The following MYBPC1 variants were observed in gnomAD, a reference collection of about 807,000 sequenced individuals.
The protein encoded by MYBPC1 is myosin binding protein C1, also known as myosin-binding protein C, slow-type.
In MYBPC1, 52 loss-of-function variants were observed where a neutral mutation model predicts 147.1. The ratio of observed to expected loss-of-function variants is 0.35; its 90% confidence interval spans 0.28 to 0.45. The LOEUF (loss-of-function observed/expected upper bound fraction) is 0.45. Among genes scored for constraint, MYBPC1 ranks in the 20% least tolerant of loss-of-function variants. MYBPC1 has a pLI of 1.00. For missense variants in MYBPC1, 1,228 were observed against 1,440.3 expected (o/e 0.85, Z 2.39); for synonymous variants, 477 against 475.9 (o/e 1.00, Z -0.03).
the MYBPC1 span, among the ~76,000 whole-genome samples, chr12:101,692,631 G>A: frequency 6.6e-6 from 1 of 150,860 alleles, no homozygotes; most frequent in African/African-American, 2.4e-5. Flanking sequence ...ACAGTGCTTG[G>A]CATAGGATAG....
At chr12:101,675,691 A>G (rs918467750) in intron 26 of MYBPC1, among the ~76,000 whole-genome samples, 3 of 152,328 alleles carry the variant, frequency 2.0e-5, no homozygotes, top group Admixed American at 6.5e-5. Context: ...CATCTATGTA[A>G]TGGGGGCACA....
Position 101,637,944 on chromosome 12 carries a change from A to T in MYBPC1, c.665+1216A>T, listed in dbSNP as rs1030001727. Reference sequence around the variant, plus strand: ...TTAATTCCCCAAATGCATTTAAAGCAATAGTATATGAAGTGCCCTTAAGTG... The same window carrying T: ...TTAATTCCCCAAATGCATTTAAAGCTATAGTATATGAAGTGCCCTTAAGTG... On this transcript the variant is annotated intron_variant, in intron 10 of 31. Transcript: ENST00000361466. Among the ~76,000 whole-genome samples the T allele has an allele frequency of 9.2e-5, 14 of 152,322 alleles. No homozygotes were observed. In the East Asian group the frequency reaches 1.7e-3, roughly 19 times the overall value.
Position 101,648,104 on chromosome 12 carries a change from G to A in MYBPC1, c.1150G>A (p.Val384Met), listed in dbSNP as rs769868177. ...TACAACTGCTTATTGTGGGGAGAGA[G>A]TGGAATTAGAATGTGAGGTGTCTGA... ...EDTTAYCGER[V>M]ELECEVSEDD... The change falls in exon 14 of 32, where the codon GTG becomes ATG. Residue 384 changes from valine to methionine, a missense_variant. Transcript: ENST00000361466. The A allele has an allele frequency of 1.2e-6, 2 of 1,613,068 alleles. No individual in the cohort carries two copies. Among genetic ancestry groups the A allele is most frequent in the African/African-American group, 1.3e-5 (1 of 74,880 alleles).
chr12:101,677,928 T>G (rs530360646), intron 27 of MYBPC1, among the ~76,000 whole-genome samples, 174 bp from the exon 28 acceptor site: 1 of 152,386 alleles, frequency 6.6e-6, no homozygotes, highest in South Asian at 2.1e-4. Context: ...ATCCCACGTG[T>G]GATTGGCTAT....
At chr12:101,664,921 A>G (rs1897177731) in intron 22 of MYBPC1, among the ~76,000 whole-genome samples, 1 of 152,206 alleles carries the variant, frequency 6.6e-6, no homozygotes. Flanking sequence ...TAAAAAAGTC[A>G]TGAGCACTCC....
At chr12:101,602,657 C>A (rs1880553056) in intron 1 of MYBPC1, among the ~76,000 whole-genome samples, 1 of 152,198 alleles carries the variant, frequency 6.6e-6, no homozygotes, top group Admixed American at 6.5e-5. Flanking sequence ...TTTCCCTCAA[C>A]ATAAGGGATG....
At chr12:101,621,760 G>A (rs1008171290) in intron 3 of MYBPC1, among the ~76,000 whole-genome samples, 1 of 152,134 alleles carries the variant, frequency 6.6e-6, no homozygotes, top group Admixed American at 6.5e-5. Context: ...GCCCAAGAGA[G>A]TTTGGATAAT....
intron 28 of MYBPC1, among the ~76,000 whole-genome samples, chr12:101,678,590 C>T (rs1900619861): frequency 6.6e-6 from 1 of 152,168 alleles, no homozygotes; most frequent in Non-Finnish European, 1.5e-5. Flanking sequence ...TCACACTACA[C>T]TGTCTGCGAT....
intron 9 of MYBPC1, among the ~76,000 whole-genome samples, chr12:101,635,192 G>A (rs902628280): frequency 1.4e-4 from 21 of 152,030 alleles, no homozygotes; most frequent in Non-Finnish European, 2.5e-4. Context: ...AATGGAGGGG[G>A]GGCGGTCAAG....
In MYBPC1 at chr12:101,642,584, A is replaced by C; in HGVS notation, c.831A>C (p.Ala277=). 6.2e-7 allele frequency: 1 copy of C among 1,609,554 alleles called. No individual in the cohort carries two copies. Residue 277 remains alanine, a splice_region_variant and synonymous_variant, in exon 11 of 32, where the codon GCA becomes GCC. Transcript: ENST00000361466. The stretch of plus-strand genomic sequence containing the variant: ...TGCGCAGAGAGGAGAAGAAGAGCGC[A>C]GGTGAGCGCTCCCGGGGGCGAGGCA... The part of the protein sequence containing the change: ...KRMRREEKKS[A]AFAKILDPAY...
intron 1 of MYBPC1, among the ~76,000 whole-genome samples, chr12:101,607,767 G>C (rs572315492): frequency 6.6e-6 from 1 of 152,208 alleles, no homozygotes; most frequent in Non-Finnish European, 1.5e-5. Flanking sequence ...CCCACGGGAA[G>C]AAGAGAACTG....
In MYBPC1 at chr12:101,647,576, G is replaced by GAAAAC. The variant is rs76794158; in HGVS notation, c.1091-448_1091-444dup. ...ATTTATTTTGCCAAGAACAGACATA[G>GAAAAC]AAAACAAAACAAAACAAAACAAAAC... On this transcript the variant is annotated intron_variant, in intron 13 of 31. Transcript: ENST00000361466. Among the ~76,000 whole-genome samples, 585 of 151,914 alleles carry GAAAAC rather than the reference G, an allele frequency of 3.9e-3. 1 individual carries two copies. Among genetic ancestry groups the GAAAAC allele is most frequent in the Non-Finnish European group, 6.3e-3 (428 of 67,926 alleles).
At chr12:101,687,960 G>T (rs945263914), downstream of MYBPC1, among the ~76,000 whole-genome samples, 1 of 152,238 alleles carries the variant, frequency 6.6e-6, no homozygotes, top group East Asian at 1.9e-4. Context: ...ACACTGCAAA[G>T]TTCTAATAAG....
chr12:101,630,097 T>C (rs904935514), intron 6 of MYBPC1, among the ~76,000 whole-genome samples: 2 of 152,230 alleles, frequency 1.3e-5, no homozygotes, highest in Non-Finnish European at 2.9e-5. Flanking sequence ...TTTGTCTCTC[T>C]GGATTTACCT....
chr12:101,687,081 AT>A (rs1951359300), downstream of MYBPC1, among the ~76,000 whole-genome samples: 1 of 151,806 alleles, frequency 6.6e-6, no homozygotes, highest in African/African-American at 2.4e-5. Flanking sequence ...ATATATATAT[AT>A]TTTTATTATA....
chr12:101,680,649 G>C, intron 29 of MYBPC1, 120 bp downstream of exon 29: 1 of 1,199,794 alleles, frequency 8.3e-7, no homozygotes, highest in South Asian at 1.3e-5. Context: ...GAGGGTGGGA[G>C]AGGGTGGTGA....
At chr12:101,634,631 A>G in intron 9 of MYBPC1, 26 bp downstream of exon 9, 1 of 1,575,492 alleles carries the variant, frequency 6.3e-7, no homozygotes, top group Non-Finnish European at 8.7e-7. Context: ...AAATCTAGAT[A>G]GCTTTTGTAT....
chr12:101,631,561 C>A lies in MYBPC1; in HGVS notation c.290-10C>A. On this transcript the variant is annotated splice_polypyrimidine_tract_variant and intron_variant, in intron 6 of 31. Coordinates refer to ENST00000361466, the MANE Select transcript of MYBPC1 (RefSeq NM_002465.4). Reference sequence around the variant, plus strand: ...TAAAGAGCAAGCTGAATCCCTTATGCTTCTTCTAGGTGAAGATATCACCTT... The same window carrying A: ...TAAAGAGCAAGCTGAATCCCTTATGATTCTTCTAGGTGAAGATATCACCTT... 6.2e-7 allele frequency: 1 copy of A among 1,613,722 alleles called. No individual in the cohort carries two copies. Among genetic ancestry groups the A allele is most frequent in the South Asian group, 1.1e-5 (1 of 90,914 alleles).
At chr12:101,605,968 G>A (rs1881979441) in intron 1 of MYBPC1, among the ~76,000 whole-genome samples, 1 of 152,088 alleles carries the variant, frequency 6.6e-6, no homozygotes, top group South Asian at 2.1e-4. Flanking sequence ...GCTGAGGCGG[G>A]CAGATCACTT....
Sources: allele counts gnomAD v4.1 joint callset (sites outside exome capture counted in the v4.1 genomes callset), GRCh38; gene constraint gnomAD v4.1.1; transcripts MANE v1.5; gene names NCBI Gene and HGNC (gene_info 2026-07-23, HGNC 2026-07-21).